Variants in ZC3H12B observed in about 807,000 individuals in gnomAD.
ZC3H12B encodes zinc finger CCCH-type containing 12B.
Under a neutral mutation model 43.9 loss-of-function variants are expected in ZC3H12B, and 7 were observed. The observed-to-expected ratio is 0.16, with a 90% confidence interval of 0.09 to 0.30. ZC3H12B has a LOEUF of 0.30. Ranked by LOEUF, ZC3H12B falls within the 10% of genes least tolerant of loss-of-function variation. The pLI is 1.00. For missense variants in ZC3H12B, 475 were observed against 670.2 expected (o/e 0.71, Z 3.22); for synonymous variants, 222 against 241.7 (o/e 0.92, Z 0.76).
the ZC3H12B span, among the ~76,000 whole-genome samples, chrX:65,301,711 G>T: frequency 5.4e-5 from 6 of 110,912 alleles, no homozygotes; most frequent in Non-Finnish European, 9.4e-5. Context: ...TGGGGTAAAA[G>T]GTGGGATGGG....
intron 3 of ZC3H12B, among the ~76,000 whole-genome samples, chrX:65,405,777 G>A (rs1050895029): frequency 1.3e-4 from 14 of 111,483 alleles, no homozygotes; most frequent in Admixed American, 4.7e-4. Flanking sequence ...AAGGAGAGAA[G>A]ATTCAAATAA....
At chrX:65,416,510 G>A (rs995299470) in intron 3 of ZC3H12B, among the ~76,000 whole-genome samples, 6 of 110,467 alleles carry the variant, frequency 5.4e-5, no homozygotes, top group South Asian at 4.0e-4. Context: ...GGCCGGGTGC[G>A]GTGGCTCACG....
At chrX:65,126,685 T>C in the ZC3H12B span, among the ~76,000 whole-genome samples, 1 of 109,073 alleles carries the variant, frequency 9.2e-6, no homozygotes, top group Non-Finnish European at 1.9e-5. Context: ...TTCAATTTTT[T>C]TTTTTTTTAC....
the ZC3H12B span, among the ~76,000 whole-genome samples, chrX:65,120,280 C>T: frequency 3.6e-5 from 4 of 111,953 alleles, no homozygotes; most frequent in Non-Finnish European, 5.6e-5. Context: ...TATCCATGAG[C>T]ATCGAATGTT....
chrX:65,207,878 G>C, the ZC3H12B span, among the ~76,000 whole-genome samples: 1 of 29,178 alleles, frequency 3.4e-5, no homozygotes, highest in South Asian at 1.8e-3. Flanking sequence ...AGTTCTCCTT[G>C]AAGAGGTCCT....
chrX:65,045,183 C>T, the ZC3H12B span, among the ~76,000 whole-genome samples: 2 of 110,722 alleles, frequency 1.8e-5, no homozygotes, highest in Non-Finnish European at 3.8e-5. Flanking sequence ...GGTGGTGGTT[C>T]TTGAAGGTGG....
chrX:65,081,974 G>A, the ZC3H12B span, among the ~76,000 whole-genome samples: 1 of 111,774 alleles, frequency 8.9e-6, no homozygotes. Context: ...GAGGAATTTT[G>A]GAAACTACAC....
chrX:65,360,868 G>A, the ZC3H12B span, among the ~76,000 whole-genome samples: 28 of 112,129 alleles, frequency 2.5e-4, no homozygotes, highest in Admixed American at 2.6e-3. Context: ...CTAGAGATCA[G>A]AAGACCTGTA....
the ZC3H12B span, among the ~76,000 whole-genome samples, chrX:65,145,269 A>G: frequency 9.7e-6 from 1 of 102,937 alleles, no homozygotes; most frequent in Non-Finnish European, 2.0e-5. Context: ...CTGTTGCTTT[A>G]AAGTTTGTTG....
upstream of ZC3H12B, among the ~76,000 whole-genome samples, chrX:65,365,094 T>C (rs1177668337): frequency 1.8e-5 from 2 of 110,915 alleles, no homozygotes; most frequent in Non-Finnish European, 3.8e-5. Flanking sequence ...ACCCAAGCAG[T>C]TTCTCAGGCT....
chrX:65,480,611 C>G (rs779142045), intron 3 of ZC3H12B, among the ~76,000 whole-genome samples: 21 of 111,915 alleles, frequency 1.9e-4, no homozygotes, highest in Non-Finnish European at 3.2e-4. Flanking sequence ...CTTTGGGAGG[C>G]TGAGGGGGGC....
chrX:65,299,819 TA>T, the ZC3H12B span, among the ~76,000 whole-genome samples: 100 of 112,328 alleles, frequency 8.9e-4, 2 homozygotes, highest in South Asian at 0.035. Context: ...ATGAGATAGC[TA>T]AAAAACTGTG....
intron 3 of ZC3H12B, among the ~76,000 whole-genome samples, chrX:65,402,596 C>G (rs1341431134): frequency 5.4e-5 from 6 of 112,096 alleles, no homozygotes; most frequent in Admixed American, 4.7e-4. Context: ...TGTGTACCTC[C>G]AACCCCAGGT....
the ZC3H12B span, among the ~76,000 whole-genome samples, chrX:65,170,329 A>G: frequency 9.0e-6 from 1 of 111,504 alleles, no homozygotes; most frequent in Non-Finnish European, 1.9e-5. Context: ...CTGGGTTGAA[A>G]ATTATTTTAT....
the ZC3H12B span, among the ~76,000 whole-genome samples, chrX:65,035,944 A>G: frequency 8.9e-6 from 1 of 112,331 alleles, no homozygotes; most frequent in African/African-American, 3.2e-5. Context: ...TTTACAAACT[A>G]CTTTTCATCC....
the ZC3H12B span, among the ~76,000 whole-genome samples, chrX:65,262,012 A>T: frequency 1.8e-5 from 2 of 110,561 alleles, no homozygotes; most frequent in Non-Finnish European, 3.8e-5. Flanking sequence ...AGTAAATTTT[A>T]TAGTATTCAT....
chrX:65,364,352 G>A (rs1226068957), upstream of ZC3H12B, among the ~76,000 whole-genome samples: 1 of 106,884 alleles, frequency 9.4e-6, no homozygotes, highest in Non-Finnish European at 1.9e-5. Flanking sequence ...ACTACACAAG[G>A]GTCCTCCATC....
At chrX:65,211,562 T>A in the ZC3H12B span, among the ~76,000 whole-genome samples, 1 of 102,656 alleles carries the variant, frequency 9.7e-6, no homozygotes, top group Non-Finnish European at 2.0e-5. Context: ...GTTAATTAAC[T>A]TGCTCAAAGT....
chrX:65,482,261 C>T (rs1377294190), intron 3 of ZC3H12B, among the ~76,000 whole-genome samples: 2 of 108,852 alleles, frequency 1.8e-5, no homozygotes, highest in African/African-American at 6.7e-5. Flanking sequence ...CTAAGGGTCT[C>T]GGGATGGGTA....
Sources: gnomAD v4.1 joint callset for allele counts (sites outside exome capture counted in the v4.1 genomes callset) on GRCh38, gnomAD v4.1.1 for gene constraint, MANE v1.5 for transcripts, NCBI Gene and HGNC (gene_info 2026-07-23, HGNC 2026-07-21) for gene names.